The following SGPP2 variants were observed in gnomAD, a reference collection of about 807,000 sequenced individuals.
SGPP2 encodes sphingosine-1-phosphate phosphatase 2.
SGPP2 carries 30 observed loss-of-function variants against 33.9 expected under a neutral mutation model. The ratio of observed to expected loss-of-function variants is 0.89; its 90% confidence interval spans 0.66 to 1.20. SGPP2 has a LOEUF of 1.20. Ranked by LOEUF, SGPP2 falls within the 50% of genes most tolerant of loss-of-function variation. The pLI is 0.00. For missense variants in SGPP2, 458 were observed against 532.1 expected, an observed-to-expected ratio of 0.86 and a Z score of 1.37; for synonymous variants, 233 against 225.0, an observed-to-expected ratio of 1.04 and a Z score of -0.32.
chr2:222,528,619 T>C (rs758334631), intron 4 of SGPP2, among the ~76,000 whole-genome samples: 16 of 152,162 alleles, frequency 1.1e-4, no homozygotes, highest in South Asian at 2.1e-4. Flanking sequence ...TGGCAAGTTT[T>C]GTTTTTGTTT....
At chr2:222,462,797 T>C (rs1697683983) in intron 1 of SGPP2, among the ~76,000 whole-genome samples, 1 of 151,970 alleles carries the variant, frequency 6.6e-6, no homozygotes, top group African/African-American at 2.4e-5. Context: ...TCAAGTAAAA[T>C]GTGTTAATCA....
At chr2:222,539,852 A>G (rs1157850653) in intron 4 of SGPP2, among the ~76,000 whole-genome samples, 1 of 152,108 alleles carries the variant, frequency 6.6e-6, no homozygotes, top group East Asian at 1.9e-4. Flanking sequence ...GATCACATCC[A>G]TTGCGCTTTG....
At chr2:222,518,744 C>G (rs1057377886) in intron 2 of SGPP2, among the ~76,000 whole-genome samples, 1 of 152,174 alleles carries the variant, frequency 6.6e-6, no homozygotes, top group South Asian at 2.1e-4. Flanking sequence ...AAGTCTGATT[C>G]GAAATTGCAG....
rs1689468702 is a variant in SGPP2 at position 222,558,809 on chromosome 2, G to A, written c.1111G>A (p.Val371Met). The A allele has an allele frequency of 3.1e-6, 5 of 1,614,164 alleles. No homozygotes were observed. Among genetic ancestry groups the A allele is most frequent in the Non-Finnish European group, 4.2e-6 (5 of 1,180,016 alleles). The change falls in exon 5 of 5, where the codon GTG (valine) becomes ATG (methionine). Residue 371 changes from valine to methionine, a missense_variant. Physicochemically the swap from Val to Met is conservative, Grantham distance 21. Coordinates refer to ENST00000321276, the MANE Select transcript of SGPP2 (RefSeq NM_152386.4). Reference protein sequence around the residue: ...KEARRRLEIEVPYKFVTYTSV... With the variant: ...KEARRRLEIEMPYKFVTYTSV... ...GGCCAGGCGGAGACTGGAGATTGAA[G>A]TGCCTTACAAGTTTGTTACCTACAC...
intron 1 of SGPP2, among the ~76,000 whole-genome samples, chr2:222,447,581 G>A (rs1361749280): frequency 6.6e-6 from 1 of 152,156 alleles, no homozygotes; most frequent in Non-Finnish European, 1.5e-5. Flanking sequence ...ACCATAGAGG[G>A]AACAGAGGTT....
intron 1 of SGPP2, among the ~76,000 whole-genome samples, chr2:222,459,147 T>TTC: frequency 1.3e-3 from 181 of 140,236 alleles, no homozygotes; most frequent in African/African-American, 4.5e-3. Flanking sequence ...TCTTTCTTTT[T>TTC]TTTTTTTTTT....
intron 2 of SGPP2, among the ~76,000 whole-genome samples, chr2:222,478,012 C>A (rs1488787952): frequency 1.3e-5 from 2 of 152,120 alleles, no homozygotes; most frequent in Non-Finnish European, 2.9e-5. Context: ...GCCTGGTTCA[C>A]CAGTCCCCCT....
In SGPP2 at chr2:222,559,094, G is replaced by A. The variant is rs1166830583; in HGVS notation, c.*196G>A. ...ATAGCGGTCATTGGTCGTCCGTGGT[G>A]GTTGGTTGTGCTACAGTTGAACCCA... On this transcript the variant is annotated 3_prime_UTR_variant, in exon 5 of 5. Transcript: ENST00000321276. The A allele has an allele frequency of 7.3e-6, 4 of 544,236 alleles. No homozygotes were observed. The highest frequency in any genetic ancestry group is 3.8e-5 in the African/African-American group (2 of 52,892). The allele number at this position is 544,236 out of a possible 1,614,324, so 33.7% of individuals were successfully genotyped here. A position where few individuals can be genotyped will look rare whatever the true frequency, so the allele number is the denominator to read the frequency against.
chr2:222,524,824 G>C (rs1270416669), intron 3 of SGPP2, 120 bp from the exon 4 acceptor site: 2 of 756,478 alleles, frequency 2.6e-6, no homozygotes, highest in Non-Finnish European at 4.4e-6. Context: ...TGCTGGTCTG[G>C]GGAATGCAAG....
At chr2:222,487,115 G>A (rs539911244) in intron 2 of SGPP2, among the ~76,000 whole-genome samples, 1 of 152,092 alleles carries the variant, frequency 6.6e-6, no homozygotes, top group African/African-American at 2.4e-5. Context: ...TGTGAGAAAC[G>A]GGATGGACAT....
chr2:222,481,584 T>C (rs1698029479), intron 2 of SGPP2, among the ~76,000 whole-genome samples: 1 of 152,216 alleles, frequency 6.6e-6, no homozygotes, highest in South Asian at 2.1e-4. Flanking sequence ...TGAATGCTTT[T>C]ATACTGAGTG....
intron 2 of SGPP2, among the ~76,000 whole-genome samples, chr2:222,521,552 A>G (rs1407414000): frequency 6.6e-6 from 1 of 152,242 alleles, no homozygotes; most frequent in Non-Finnish European, 1.5e-5. Context: ...CATTAATGTC[A>G]TATCTTAGTT....
intron 1 of SGPP2, among the ~76,000 whole-genome samples, chr2:222,461,672 C>T (rs967419027): frequency 1.3e-5 from 2 of 151,750 alleles, no homozygotes; most frequent in Admixed American, 6.6e-5. Flanking sequence ...AAGTGCACAG[C>T]CTAGATCCCT....
intron 2 of SGPP2, among the ~76,000 whole-genome samples, chr2:222,507,703 T>C (rs1159283639): frequency 6.6e-6 from 1 of 152,164 alleles, no homozygotes; most frequent in Non-Finnish European, 1.5e-5. Flanking sequence ...CCACTCCAGA[T>C]CTCAGTTCTA....
chr2:222,478,297 A>G (rs1351383361), intron 2 of SGPP2, among the ~76,000 whole-genome samples: 5 of 130,268 alleles, frequency 3.8e-5, no homozygotes, highest in South Asian at 4.9e-4. Flanking sequence ...GTGTGTGTGT[A>G]TACGTACGCG....
rs1697035679 is a variant in SGPP2 at position 222,424,833 on chromosome 2, C to T, written c.219+12C>T. 13 of 1,340,614 alleles carry T rather than the reference C, an allele frequency of 9.7e-6. No homozygotes were observed. Among genetic ancestry groups the T allele is most frequent in the Non-Finnish European group, 1.1e-5 (12 of 1,048,292 alleles). 83.0% of individuals were successfully genotyped at this position (1,340,614 alleles called of 1,614,324 possible). A position where few individuals can be genotyped will look rare whatever the true frequency, so the allele number is the denominator to read the frequency against. ...CCGCGGCGCCGGAGGTAACCATGGG[C>T]AGGTGTTCGCCGGGTACGGGGAGGG... On this transcript the variant is annotated intron_variant, in intron 1 of 4. Transcript: ENST00000321276.
intron 2 of SGPP2, among the ~76,000 whole-genome samples, chr2:222,486,132 G>C (rs991528885): frequency 4.6e-5 from 7 of 152,110 alleles, no homozygotes; most frequent in African/African-American, 1.7e-4. Flanking sequence ...TAGTGGCCTC[G>C]ATGGGCTGCA....
At chr2:222,518,423 T>G (rs1698637407) in intron 2 of SGPP2, among the ~76,000 whole-genome samples, 1 of 152,210 alleles carries the variant, frequency 6.6e-6, no homozygotes, top group African/African-American at 2.4e-5. Context: ...TTTTTTACCC[T>G]TATCCTCTCT....
Position 222,477,256 on chromosome 2 carries a change from A to T in SGPP2, c.378+2530A>T. ...ATAGGTGTGTATATACATGTATGTGAGTATATAGGTGTATATGTATGTGTG... is the reference window on the plus strand; with the variant it reads ...ATAGGTGTGTATATACATGTATGTGTGTATATAGGTGTATATGTATGTGTG... On this transcript the variant is annotated intron_variant, in intron 2 of 4. Coordinates refer to ENST00000321276, the MANE Select transcript of SGPP2 (RefSeq NM_152386.4). The surrounding 1 kb of genome is among the most constrained non-coding windows in gnomAD (Gnocchi z 6.0). 7.0e-6 allele frequency among the ~76,000 whole-genome samples: 1 copy of T among 143,634 alleles called. No homozygotes were observed. The highest frequency in any genetic ancestry group is 1.5e-5 in the Non-Finnish European group (1 of 65,736). 94.2% of individuals were successfully genotyped at this position (143,634 alleles called of 152,430 possible).
Sources: allele counts gnomAD v4.1 joint callset (sites outside exome capture counted in the v4.1 genomes callset), GRCh38; gene constraint gnomAD v4.1.1; non-coding constraint Gnocchi (gnomAD v3.1); transcripts MANE v1.5; gene names NCBI Gene and HGNC (gene_info 2026-07-23, HGNC 2026-07-21).